PRKAR1A: variants seen among roughly 807,000 people sequenced by gnomAD.
PRKAR1A encodes cAMP-dependent protein kinase type I-alpha regulatory subunit.
Under a neutral mutation model 52.0 loss-of-function variants are expected in PRKAR1A, and 3 were observed. The ratio of observed to expected loss-of-function variants is 0.06; its 90% CI spans 0.03 to 0.15. The LOEUF (loss-of-function observed/expected upper bound fraction) is 0.15. PRKAR1A is among the 10% of genes least tolerant of loss of function. The pLI is 1.00. For missense variants in PRKAR1A, 240 were observed against 477.4 expected (o/e 0.50, Z 4.63); for synonymous variants, 188 against 168.4 (o/e 1.12, Z -0.90).
the PRKAR1A span, among the ~76,000 whole-genome samples, chr17:68,484,185 C>T: frequency 6.6e-6 from 1 of 152,208 alleles, no homozygotes; most frequent in Non-Finnish European, 1.5e-5. Flanking sequence ...GAACTGACAT[C>T]TTGGCAATAC....
the PRKAR1A span, chr17:68,457,235 G>T: frequency 7.3e-7 from 1 of 1,369,088 alleles, no homozygotes; most frequent in Non-Finnish European, 9.9e-7. Flanking sequence ...CGGCCCTCCC[G>T]CCGAGGCCGC....
At chr17:68,430,680 G>A in the PRKAR1A span, among the ~76,000 whole-genome samples, 3 of 152,158 alleles carry the variant, frequency 2.0e-5, no homozygotes, top group Non-Finnish European at 4.4e-5. Flanking sequence ...GTGTAATGAT[G>A]GAGATCATGC....
At chr17:68,450,355 A>G in the PRKAR1A span, among the ~76,000 whole-genome samples, 23 of 152,132 alleles carry the variant, frequency 1.5e-4, no homozygotes, top group Admixed American at 4.6e-4. Flanking sequence ...AATGAATGAC[A>G]CTATCTAGGG....
the PRKAR1A span, among the ~76,000 whole-genome samples, chr17:68,414,708 G>A: frequency 2.6e-5 from 4 of 152,054 alleles, no homozygotes; most frequent in Non-Finnish European, 5.9e-5. Flanking sequence ...TTTTAATCTC[G>A]CTGCTTGTTA....
the PRKAR1A span, among the ~76,000 whole-genome samples, chr17:68,496,199 G>A: frequency 5.5e-5 from 8 of 146,744 alleles, no homozygotes; most frequent in Admixed American, 3.4e-4. Flanking sequence ...GTACCACCAC[G>A]CCTGGCTAAT....
At chr17:68,469,593 C>G in the PRKAR1A span, among the ~76,000 whole-genome samples, 4 of 149,156 alleles carry the variant, frequency 2.7e-5, no homozygotes, top group African/African-American at 9.8e-5. Context: ...AACTTTCCAT[C>G]ATGAATGTCC....
chr17:68,527,272 C>T (rs1182773650), intron 7 of PRKAR1A, among the ~76,000 whole-genome samples: 1 of 151,992 alleles, frequency 6.6e-6, no homozygotes, highest in Non-Finnish European at 1.5e-5. Flanking sequence ...GGATATGGTC[C>T]TTTTTTTATA....
At chr17:68,422,045 G>C in the PRKAR1A span, 71 of 546,014 alleles carry the variant, frequency 1.3e-4, no homozygotes, top group African/African-American at 7.0e-4. Flanking sequence ...AAATGTCTCT[G>C]TGTGTGTGTG....
At chr17:68,422,857 C>T in the PRKAR1A span, 1 of 151,756 alleles carries the variant, frequency 6.6e-6, no homozygotes, top group Non-Finnish European at 1.5e-5. Flanking sequence ...TTGGCTTGTT[C>T]CTGAAACAAA....
At chr17:68,524,991 C>A (rs1448262028) in intron 6 of PRKAR1A, 33 bp downstream of exon 6, 1 of 1,544,712 alleles carries the variant, frequency 6.5e-7, no homozygotes, top group East Asian at 2.2e-5. Context: ...ATATGTTGAT[C>A]TTAAAAGCCA....
the PRKAR1A span, among the ~76,000 whole-genome samples, chr17:68,488,405 C>T: frequency 6.4e-3 from 971 of 152,010 alleles, 15 homozygotes; most frequent in African/African-American, 0.022. Context: ...GAGGAAGTGG[C>T]AAGTGTCCCT....
At chr17:68,442,238 C>T in the PRKAR1A span, among the ~76,000 whole-genome samples, 6 of 152,088 alleles carry the variant, frequency 3.9e-5, no homozygotes, top group Non-Finnish European at 5.9e-5. Flanking sequence ...CCAAGGCGGG[C>T]GGATCACTTG....
At chr17:68,492,612 T>A in the PRKAR1A span, among the ~76,000 whole-genome samples, 2 of 152,158 alleles carry the variant, frequency 1.3e-5, no homozygotes, top group Non-Finnish European at 2.9e-5. Flanking sequence ...AGCGCCAAAG[T>A]GTGTTAGCGC....
At chr17:68,521,541 A>C (rs1408485619) in intron 2 of PRKAR1A, among the ~76,000 whole-genome samples, 1 of 152,248 alleles carries the variant, frequency 6.6e-6, no homozygotes, top group Non-Finnish European at 1.5e-5. Context: ...ATGTATTCTT[A>C]AACTTTAAAC....
At position 68,532,787 on chromosome 17, in the gene PRKAR1A, C is replaced by A. The variant is rs1215770989; in HGVS notation, c.*2338C>A. On this transcript the variant is annotated 3_prime_UTR_variant, in exon 11 of 11. Coordinates refer to ENST00000589228, the MANE Select transcript of PRKAR1A (RefSeq NM_002734.5). The stretch of plus-strand genomic sequence containing the variant: ...ATTCTTAAATGAATCAGTTTTTCTT[C>A]CCTTTCTCCTTTCCGTCTTTCCTCT... The A allele has an allele frequency of 9.4e-7, 1 of 1,066,332 alleles. No individual in the cohort carries two copies. 66.1% of individuals were successfully genotyped at this position (1,066,332 alleles called of 1,614,324 possible).
At chr17:68,418,927 G>A in the PRKAR1A span, among the ~76,000 whole-genome samples, 1,703 of 151,948 alleles carry the variant, frequency 0.011, 17 homozygotes, top group South Asian at 0.027. Context: ...GTAATTTTGA[G>A]GGCTATCTTT....
At chr17:68,462,551 A>G in the PRKAR1A span, among the ~76,000 whole-genome samples, 20 of 152,328 alleles carry the variant, frequency 1.3e-4, no homozygotes, top group African/African-American at 4.8e-4. Context: ...TGTGACGCTA[A>G]CCACATCTAT....
rs1203938366 is a variant in PRKAR1A, at chr17:68,532,515, A to G, written c.*2066A>G. 9.4e-7 allele frequency: 1 copy of G among 1,062,770 alleles called. No individual in the cohort carries two copies. Among genetic ancestry groups the G allele is most frequent in the Non-Finnish European group, 1.1e-6 (1 of 876,766 alleles). The allele number at this position is 1,062,770 out of a possible 1,614,324, so 65.8% of individuals were successfully genotyped here. A position where few individuals can be genotyped will look rare whatever the true frequency, so the allele number is the denominator to read the frequency against. On this transcript the variant is annotated 3_prime_UTR_variant, in exon 11 of 11. Coordinates refer to ENST00000589228, the MANE Select transcript of PRKAR1A (RefSeq NM_002734.5). ...AGCTTTATCTTTGTGTAATCTAAGT[A>G]TATGTGAGAAATCAGAATTGGCATA...
At chr17:68,525,527 T>C (rs561317349) in intron 6 of PRKAR1A, among the ~76,000 whole-genome samples, 2 of 152,198 alleles carry the variant, frequency 1.3e-5, no homozygotes, top group Non-Finnish European at 2.9e-5. Flanking sequence ...CCTTACAGAG[T>C]GCTTTTTTCT....
Sources: allele counts gnomAD v4.1 joint callset (sites outside exome capture counted in the v4.1 genomes callset), GRCh38; gene constraint gnomAD v4.1.1; transcripts MANE v1.5; gene names NCBI Gene and HGNC (gene_info 2026-07-23, HGNC 2026-07-21).